The following MAP2K6 variants were observed in gnomAD, a reference collection of about 807,000 sequenced individuals.
MAP2K6 encodes dual specificity mitogen-activated protein kinase kinase 6.
In MAP2K6, 16 loss-of-function variants were observed where a neutral mutation model predicts 53.7. The ratio of observed to expected loss-of-function variants is 0.30; its 90% CI spans 0.20 to 0.45. The LOEUF is 0.45. Ranked by LOEUF, MAP2K6 falls within the 20% of genes least tolerant of loss-of-function variation. MAP2K6 has a pLI of 1.00. For missense variants in MAP2K6, 204 were observed against 411.9 expected (o/e 0.50, Z 4.37); for synonymous variants, 132 against 143.1 (o/e 0.92, Z 0.55).
chr17:69,425,306 A>G (rs1257010589), intron 1 of MAP2K6, among the ~76,000 whole-genome samples: 1 of 151,610 alleles, frequency 6.6e-6, no homozygotes, highest in African/African-American at 2.4e-5. Flanking sequence ...AAAGCAATGA[A>G]TTCTTTTTTT....
intron 1 of MAP2K6, among the ~76,000 whole-genome samples, chr17:69,503,207 A>G (rs912158754): frequency 3.3e-5 from 5 of 152,216 alleles, no homozygotes; most frequent in African/African-American, 1.2e-4. Flanking sequence ...TTATCTGTAT[A>G]GTTATCTAAA....
chr17:69,430,940 C>A (rs897513922), intron 1 of MAP2K6, among the ~76,000 whole-genome samples: 1 of 152,200 alleles, frequency 6.6e-6, no homozygotes, highest in African/African-American at 2.4e-5. Context: ...GCGACTCACT[C>A]AGTCTTTGGG....
intron 1 of MAP2K6, among the ~76,000 whole-genome samples, chr17:69,499,619 AAAG>A (rs1468311933): frequency 6.6e-6 from 1 of 152,256 alleles, no homozygotes; most frequent in African/African-American, 2.4e-5. Context: ...ACAGTTGAGA[AAAG>A]AATAACAAAC....
chr17:69,538,580 T>C (rs930017300), intron 11 of MAP2K6, among the ~76,000 whole-genome samples: 3 of 152,218 alleles, frequency 2.0e-5, no homozygotes, highest in Non-Finnish European at 4.4e-5. Context: ...TTGTTTAGAT[T>C]TTAGGAGTTG....
chr17:69,446,595 A>G (rs913891679), intron 1 of MAP2K6, among the ~76,000 whole-genome samples: 3 of 152,236 alleles, frequency 2.0e-5, no homozygotes, highest in Non-Finnish European at 4.4e-5. Flanking sequence ...TGAGGAAACC[A>G]AAGTTCAGGG....
At chr17:69,481,244 A>ATTTG (rs1161294873) in intron 1 of MAP2K6, among the ~76,000 whole-genome samples, 6 of 152,138 alleles carry the variant, frequency 3.9e-5, no homozygotes, top group Non-Finnish European at 5.9e-5. Flanking sequence ...ATCATACAGT[A>ATTTG]TTTGTCATTT....
intron 1 of MAP2K6, among the ~76,000 whole-genome samples, chr17:69,462,679 A>G (rs1907659727): frequency 6.6e-6 from 1 of 151,784 alleles, no homozygotes; most frequent in African/African-American, 2.4e-5. Flanking sequence ...CCTTTTTCAC[A>G]CTCCGGGCGT....
At chr17:69,437,328 C>T (rs543852394) in intron 1 of MAP2K6, among the ~76,000 whole-genome samples, 3 of 151,870 alleles carry the variant, frequency 2.0e-5, no homozygotes, top group Admixed American at 6.6e-5. Context: ...ATTTACTAAG[C>T]GGAAATGGAT....
intron 11 of MAP2K6, among the ~76,000 whole-genome samples, chr17:69,541,062 G>A (rs1227619477): frequency 6.6e-6 from 1 of 152,196 alleles, no homozygotes; most frequent in Non-Finnish European, 1.5e-5. Flanking sequence ...AGGAGATCAA[G>A]ACCATCCTGG....
intron 1 of MAP2K6, among the ~76,000 whole-genome samples, chr17:69,421,995 C>A (rs1291615149): frequency 2.0e-5 from 3 of 152,082 alleles, no homozygotes; most frequent in Non-Finnish European, 4.4e-5. Context: ...CCCACTCTGT[C>A]TCCTTTGATG....
chr17:69,497,984 C>T (rs1909009439), intron 1 of MAP2K6, among the ~76,000 whole-genome samples: 1 of 151,888 alleles, frequency 6.6e-6, no homozygotes, highest in African/African-American at 2.4e-5. Flanking sequence ...TTCTTCTCTC[C>T]TGCTTTCAGG....
intron 1 of MAP2K6, among the ~76,000 whole-genome samples, chr17:69,469,636 G>A (rs1907921493): frequency 6.6e-6 from 1 of 152,080 alleles, no homozygotes; most frequent in Admixed American, 6.6e-5. Flanking sequence ...GGTGGTAGGC[G>A]CCTGTAATCC....
At chr17:69,416,246 G>A (rs1055955833) in intron 1 of MAP2K6, among the ~76,000 whole-genome samples, 1 of 152,140 alleles carries the variant, frequency 6.6e-6, no homozygotes, top group Non-Finnish European at 1.5e-5. Flanking sequence ...CCTGATGGGA[G>A]TCATATATCT....
Position 69,521,070 on chromosome 17 carries a change from T to C in MAP2K6, c.505T>C (p.Leu169=). ...AVSIVKALEH[L]HSKLSVIHRD... is the part of the protein sequence containing the mutation. ...GCAGATTGTAAAAGCATTAGAACAT[T>C]TACATAGTAAGCTGTCTGTCATTCA... Residue 169 remains leucine (L), a synonymous_variant, in exon 7 of 12, where the codon TTA becomes CTA. Coordinates refer to ENST00000590474, the MANE Select transcript of MAP2K6 (RefSeq NM_002758.4). 6.2e-7 allele frequency: 1 copy of C among 1,609,090 alleles called. No individual in the cohort carries two copies. Among genetic ancestry groups the C allele is most frequent in the South Asian group, 1.1e-5 (1 of 90,060 alleles).
chr17:69,424,332 T>A (rs566404004), intron 1 of MAP2K6, among the ~76,000 whole-genome samples: 1 of 152,302 alleles, frequency 6.6e-6, no homozygotes, highest in Non-Finnish European at 1.5e-5. Flanking sequence ...TGATGTAAAT[T>A]TAAGTCACGT....
At chr17:69,416,733 T>C (rs1194006060) in intron 1 of MAP2K6, among the ~76,000 whole-genome samples, 2 of 152,152 alleles carry the variant, frequency 1.3e-5, no homozygotes, top group African/African-American at 4.8e-5. Flanking sequence ...TACAAGATAA[T>C]AGGACAGGTA....
At chr17:69,443,875 T>G (rs1463032579) in intron 1 of MAP2K6, among the ~76,000 whole-genome samples, 1 of 152,128 alleles carries the variant, frequency 6.6e-6, no homozygotes, top group African/African-American at 2.4e-5. Flanking sequence ...GGAATGCATT[T>G]TAGTCACAGT....
chr17:69,517,180 A>G (rs1178495198), intron 3 of MAP2K6, among the ~76,000 whole-genome samples: 1 of 151,518 alleles, frequency 6.6e-6, no homozygotes, highest in Non-Finnish European at 1.5e-5. Context: ...CCATCAGTCA[A>G]TAGTGGGTTA....
chr17:69,544,475 T>C lies in MAP2K6; in HGVS notation c.*2722T>C, dbSNP rs897886185. On this transcript the variant is annotated 3_prime_UTR_variant, in exon 12 of 12. Transcript: ENST00000590474. Reference sequence around the variant, plus strand: ...GGAGTATTCTGTACATATAGACTTATATATAAAGACATCTGTGTTCACGGA... The same window carrying C: ...GGAGTATTCTGTACATATAGACTTACATATAAAGACATCTGTGTTCACGGA... The C allele has an allele frequency of 2.6e-5, 4 of 152,176 alleles. No individual in the cohort carries two copies. Among genetic ancestry groups the C allele is most frequent in the Non-Finnish European group, 4.4e-5 (3 of 68,036 alleles). 9.4% of individuals were successfully genotyped at this position (152,176 alleles called of 1,614,324 possible). A position where few individuals can be genotyped will look rare whatever the true frequency, so the allele number is the denominator to read the frequency against.
Sources: gnomAD v4.1 joint callset for allele counts (sites outside exome capture counted in the v4.1 genomes callset) on GRCh38, gnomAD v4.1.1 for gene constraint, MANE v1.5 for transcripts, NCBI Gene and HGNC (gene_info 2026-07-23, HGNC 2026-07-21) for gene names.